Variants in KCNJ6 observed in about 807,000 individuals in gnomAD.
The protein encoded by KCNJ6 is G protein-activated inward rectifier potassium channel 2.
A neutral mutation model predicts 34.2 loss-of-function variants in KCNJ6; 9 were observed. The ratio of observed to expected loss-of-function variants is 0.26; its 90% CI spans 0.16 to 0.46. KCNJ6 has a LOEUF of 0.46. KCNJ6 is among the 20% of genes least tolerant of loss of function. The probability of loss-of-function intolerance (pLI) is 1.00; values close to 1 mark genes in which losing one functional copy is unlikely to be tolerated. For synonymous variants in KCNJ6, 196 were observed against 207.1 expected, an observed-to-expected ratio of 0.95 and a Z score of 0.46; for missense variants, 236 against 531.3, an observed-to-expected ratio of 0.44 and a Z score of 5.46.
chr21:37,788,928 T>C (rs1403868631), intron 2 of KCNJ6, among the ~76,000 whole-genome samples: 3 of 152,240 alleles, frequency 2.0e-5, no homozygotes, highest in Non-Finnish European at 4.4e-5. Flanking sequence ...TTCTGTTCTC[T>C]ATCAAGAGCC....
At chr21:37,627,992 A>G (rs1021862697) in intron 3 of KCNJ6, among the ~76,000 whole-genome samples, 1 of 152,220 alleles carries the variant, frequency 6.6e-6, no homozygotes, top group Non-Finnish European at 1.5e-5. Flanking sequence ...TACAGACCTT[A>G]CAAAATTAGC....
chr21:37,913,981 T>C (rs1416266277), intron 1 of KCNJ6, among the ~76,000 whole-genome samples: 1 of 149,502 alleles, frequency 6.7e-6, no homozygotes, highest in Non-Finnish European at 1.5e-5. Context: ...CAGCTGAAAC[T>C]AGCAACCCTC....
chr21:37,710,371 G>A (rs909924016), intron 3 of KCNJ6, among the ~76,000 whole-genome samples: 30 of 152,224 alleles, frequency 2.0e-4, no homozygotes, highest in African/African-American at 4.8e-5. Context: ...GGCAGCCAAT[G>A]AGTGGGGATA....
intron 3 of KCNJ6, among the ~76,000 whole-genome samples, chr21:37,696,920 C>T (rs2054666134): frequency 6.6e-6 from 1 of 152,184 alleles, no homozygotes; most frequent in Non-Finnish European, 1.5e-5. Flanking sequence ...CCTGAGGTAG[C>T]ATGGCGAACA....
intron 2 of KCNJ6, among the ~76,000 whole-genome samples, chr21:37,745,432 G>A (rs753228788): frequency 6.6e-6 from 1 of 152,082 alleles, no homozygotes; most frequent in Non-Finnish European, 1.5e-5. Context: ...CATGGTTGCT[G>A]GTTTTGAAGA....
chr21:37,689,029 C>G lies in KCNJ6; in HGVS notation c.946+25182G>C, dbSNP rs1034915372. Reference sequence around the variant, plus strand: ...ATTGGTGATATAAATCACCATATATCGTTGGTGATAAATCAAAGGTGATAT... The same window carrying G: ...ATTGGTGATATAAATCACCATATATGGTTGGTGATAAATCAAAGGTGATAT... On this transcript the variant is annotated intron_variant, in intron 3 of 3. Coordinates refer to ENST00000609713, the MANE Select transcript of KCNJ6 (RefSeq NM_002240.5). 2.0e-5 allele frequency among the ~76,000 whole-genome samples: 3 copies of G among 152,132 alleles called. No homozygotes were observed. The East Asian group carries it at 5.8e-4, about 29-fold the overall frequency.
chr21:37,776,026 TTGAGCAG>T (rs2055140535), intron 2 of KCNJ6, among the ~76,000 whole-genome samples: 1 of 152,190 alleles, frequency 6.6e-6, no homozygotes, highest in South Asian at 2.1e-4. Context: ...TTTTATTTCA[TTGAGCAG>T]TGGTTTGTAG....
chr21:37,715,135 G>A lies in KCNJ6; in HGVS notation c.26-4C>T, dbSNP rs1326498808. 2.5e-6 allele frequency: 4 copies of A among 1,602,100 alleles called. No homozygotes were observed. The highest frequency in any genetic ancestry group is 3.5e-5 in the Admixed American group (2 of 57,588). Reference sequence around the variant, plus strand: ...GAGTCGCCCTCCAGGACGTTAGCTGGTGGTTTGGAGAAAAGAAAAGAAACA... The same window carrying A: ...GAGTCGCCCTCCAGGACGTTAGCTGATGGTTTGGAGAAAAGAAAAGAAACA... On this transcript the variant is annotated splice_region_variant and splice_polypyrimidine_tract_variant and intron_variant, in intron 2 of 3. Transcript: ENST00000609713.
intron 2 of KCNJ6, among the ~76,000 whole-genome samples, chr21:37,779,292 C>G (rs1568845620): frequency 6.6e-6 from 1 of 152,078 alleles, no homozygotes; most frequent in Non-Finnish European, 1.5e-5. Context: ...TGAAACTCAT[C>G]TCTCCCACTG....
intron 2 of KCNJ6, among the ~76,000 whole-genome samples, chr21:37,764,688 T>A (rs2055082534): frequency 1.3e-5 from 2 of 152,356 alleles, no homozygotes; most frequent in South Asian, 4.1e-4. Context: ...AGAAATTTAC[T>A]TTTTGATGGT....
intron 1 of KCNJ6, among the ~76,000 whole-genome samples, chr21:37,878,216 T>C (rs2055688723): frequency 1.3e-5 from 2 of 152,000 alleles, no homozygotes; most frequent in Non-Finnish European, 2.9e-5. Flanking sequence ...TTCCTGAGCA[T>C]GGAGTTGTAA....
At chr21:37,760,921 G>T (rs2123494469) in intron 2 of KCNJ6, among the ~76,000 whole-genome samples, 1 of 152,288 alleles carries the variant, frequency 6.6e-6, no homozygotes, top group South Asian at 2.1e-4. Context: ...AGACGGTCTT[G>T]GGCTGAGTGT....
intron 2 of KCNJ6, among the ~76,000 whole-genome samples, chr21:37,762,977 A>G (rs2055073158): frequency 6.6e-6 from 1 of 152,270 alleles, no homozygotes; most frequent in Non-Finnish European, 1.5e-5. Flanking sequence ...CTTCACACAG[A>G]TGCTACTGGA....
chr21:37,913,303 T>G (rs2055875744), intron 1 of KCNJ6, among the ~76,000 whole-genome samples: 1 of 152,172 alleles, frequency 6.6e-6, no homozygotes, highest in African/African-American at 2.4e-5. Context: ...TTCTTCCTTG[T>G]TTGTATTAAG....
intron 1 of KCNJ6, among the ~76,000 whole-genome samples, chr21:37,902,353 A>C (rs1366213385): frequency 6.6e-6 from 1 of 152,216 alleles, no homozygotes; most frequent in Non-Finnish European, 1.5e-5. Flanking sequence ...TACTAAGAAA[A>C]GAAGAAAGCT....
chr21:37,861,801 T>C (rs910122864), intron 1 of KCNJ6, among the ~76,000 whole-genome samples: 2 of 152,168 alleles, frequency 1.3e-5, no homozygotes, highest in African/African-American at 2.4e-5. Context: ...GGGCCTTGGA[T>C]TGTGTTCACT....
chr21:37,686,540 T>A (rs1268860960), intron 3 of KCNJ6, among the ~76,000 whole-genome samples: 1 of 133,840 alleles, frequency 7.5e-6, no homozygotes, highest in Admixed American at 9.1e-5. Flanking sequence ...CGATCTCGGC[T>A]CACTGCAATC....
chr21:37,654,943 G>A (rs903562253), intron 3 of KCNJ6, among the ~76,000 whole-genome samples: 5 of 152,144 alleles, frequency 3.3e-5, no homozygotes, highest in African/African-American at 1.2e-4. Flanking sequence ...GTCAATCACT[G>A]TGATTCTCAG....
chr21:37,699,752 GA>G (rs2054681048), intron 3 of KCNJ6, among the ~76,000 whole-genome samples: 1 of 152,190 alleles, frequency 6.6e-6, no homozygotes, highest in Non-Finnish European at 1.5e-5. Context: ...GAAATCTGGG[GA>G]CAAGTTTGCT....
Sources: allele counts gnomAD v4.1 joint callset (sites outside exome capture counted in the v4.1 genomes callset), GRCh38; gene constraint gnomAD v4.1.1; transcripts MANE v1.5; gene names NCBI Gene and HGNC (gene_info 2026-07-23, HGNC 2026-07-21).